Variants in KCNIP4 observed in about 807,000 individuals in gnomAD.
KCNIP4 encodes the protein Kv channel-interacting protein 4.
Under a neutral mutation model 34.0 loss-of-function variants are expected in KCNIP4, and 12 were observed. The ratio of observed to expected loss-of-function variants is 0.35; its 90% CI spans 0.23 to 0.57. The LOEUF (loss-of-function observed/expected upper bound fraction) is 0.57. Ranked by LOEUF, KCNIP4 falls within the 20% of genes least tolerant of loss-of-function variation. KCNIP4 has a pLI of 0.83. For synonymous variants in KCNIP4, 124 were observed against 102.2 expected (o/e 1.21, Z -1.29); for missense variants, 238 against 311.7 (o/e 0.76, Z 1.78).
At chr4:21,355,011 A>G (rs1026362513) in intron 1 of KCNIP4, among the ~76,000 whole-genome samples, 15 of 152,178 alleles carry the variant, frequency 9.9e-5, no homozygotes, top group African/African-American at 3.4e-4. Context: ...AAATCACTCA[A>G]CTACATGGAA....
intron 1 of KCNIP4, among the ~76,000 whole-genome samples, chr4:21,937,306 C>A (rs1445667596): frequency 6.6e-6 from 1 of 152,024 alleles, no homozygotes; most frequent in Non-Finnish European, 1.5e-5. Context: ...CACCGCAGCA[C>A]CACAAAGTAT....
At chr4:20,923,809 G>T (rs1270987927) in intron 1 of KCNIP4, among the ~76,000 whole-genome samples, 1 of 152,108 alleles carries the variant, frequency 6.6e-6, no homozygotes, top group Non-Finnish European at 1.5e-5. Flanking sequence ...GAAGAAAAGA[G>T]AATGGAAAGA....
intron 1 of KCNIP4, among the ~76,000 whole-genome samples, chr4:21,168,996 TA>T (rs771421553): frequency 3.6e-4 from 55 of 152,302 alleles, no homozygotes; most frequent in Non-Finnish European, 5.7e-4. Context: ...ATGAAACAGC[TA>T]AACTACTTCC....
intron 1 of KCNIP4, among the ~76,000 whole-genome samples, chr4:21,729,242 T>G (rs2109108071): frequency 6.6e-6 from 1 of 152,300 alleles, no homozygotes; most frequent in South Asian, 2.1e-4. Context: ...GCTTAGTCAC[T>G]TTCCACCAAC....
chr4:20,775,494 A>T (rs1187179939), intron 3 of KCNIP4, among the ~76,000 whole-genome samples: 2 of 149,838 alleles, frequency 1.3e-5, no homozygotes, highest in Non-Finnish European at 3.0e-5. Flanking sequence ...TGAGGCCAGG[A>T]GTCCAAGGCC....
intron 1 of KCNIP4, among the ~76,000 whole-genome samples, chr4:21,647,348 A>C (rs767120323): frequency 2.6e-5 from 4 of 152,132 alleles, no homozygotes; most frequent in African/African-American, 9.7e-5. Flanking sequence ...TGTCATAACA[A>C]TTTTAAACAT....
At position 20,988,841 on chromosome 4, in the gene KCNIP4, T is replaced by A. The variant is rs576969668; in HGVS notation, c.62-106132A>T. On this transcript the variant is annotated intron_variant, in intron 1 of 8. Transcript: ENST00000382152. ...TCTGCCTCAAGGCAGGGGATAGATG[T>A]ATGAATTTCTCTTTGTAAAGTATTC... Among the ~76,000 whole-genome samples, 3 of 152,354 alleles carry A rather than the reference T, an allele frequency of 2.0e-5. No individual in the cohort carries two copies. In the East Asian group the frequency reaches 5.8e-4, roughly 29 times the overall value.
At chr4:21,139,907 C>T (rs6448028) in intron 1 of KCNIP4, among the ~76,000 whole-genome samples, 3 of 151,860 alleles carry the variant, frequency 2.0e-5, no homozygotes, top group African/African-American at 4.8e-5. Flanking sequence ...CCCTCAGCCA[C>T]GTTTAATGAT....
chr4:21,626,006 G>T (rs1276385180), intron 1 of KCNIP4, among the ~76,000 whole-genome samples: 1 of 152,106 alleles, frequency 6.6e-6, no homozygotes, highest in Non-Finnish European at 1.5e-5. Flanking sequence ...CTTCCTAGTT[G>T]AATTTTAATT....
At chr4:21,191,383 A>T (rs1476986450) in intron 1 of KCNIP4, among the ~76,000 whole-genome samples, 1 of 152,212 alleles carries the variant, frequency 6.6e-6, no homozygotes, top group East Asian at 1.9e-4. Context: ...TTCATAAATG[A>T]TCAATTGCCT....
chr4:21,207,733 T>C (rs1756940483), intron 1 of KCNIP4, among the ~76,000 whole-genome samples: 3 of 152,182 alleles, frequency 2.0e-5, no homozygotes, highest in African/African-American at 7.2e-5. Flanking sequence ...AATGATTACA[T>C]GACAGGAAGT....
chr4:21,077,904 C>T (rs1019965948), intron 1 of KCNIP4, among the ~76,000 whole-genome samples: 1 of 151,924 alleles, frequency 6.6e-6, no homozygotes, highest in Non-Finnish European at 1.5e-5. Flanking sequence ...GTCATAGTAG[C>T]GTAAAAGAGG....
At chr4:21,832,467 G>GA (rs1239422102) in intron 1 of KCNIP4, among the ~76,000 whole-genome samples, 7 of 151,986 alleles carry the variant, frequency 4.6e-5, no homozygotes, top group South Asian at 2.1e-4. Flanking sequence ...CAATTAGAGG[G>GA]AAAAAATGGT....
At chr4:21,119,307 A>G (rs771486246) in intron 1 of KCNIP4, among the ~76,000 whole-genome samples, 2 of 151,926 alleles carry the variant, frequency 1.3e-5, no homozygotes, top group African/African-American at 4.8e-5. Flanking sequence ...AATTAAGCAC[A>G]TAAGTTTAAT....
At chr4:21,042,977 T>C (rs1742095710) in intron 1 of KCNIP4, among the ~76,000 whole-genome samples, 1 of 152,190 alleles carries the variant, frequency 6.6e-6, no homozygotes, top group African/African-American at 2.4e-5. Flanking sequence ...ATTTTAACCA[T>C]GAAGAATTTA....
chr4:21,153,059 T>A (rs1053197538), intron 1 of KCNIP4, among the ~76,000 whole-genome samples: 1 of 152,184 alleles, frequency 6.6e-6, no homozygotes, highest in South Asian at 2.1e-4. Flanking sequence ...TTGCTGGACA[T>A]TGGGTTGTTG....
chr4:21,766,746 T>G (rs896452980), intron 1 of KCNIP4, among the ~76,000 whole-genome samples: 4 of 152,108 alleles, frequency 2.6e-5, no homozygotes, highest in East Asian at 1.9e-4. Context: ...GTCTGGCATC[T>G]CTTAACAATA....
intron 1 of KCNIP4, among the ~76,000 whole-genome samples, chr4:21,790,786 G>T (rs1280371722): frequency 1.3e-5 from 2 of 151,830 alleles, no homozygotes; most frequent in East Asian, 1.9e-4. Flanking sequence ...TGACCGATTT[G>T]CACAATATTC....
At chr4:21,368,580 C>T (rs189298531) in intron 1 of KCNIP4, among the ~76,000 whole-genome samples, 3 of 147,192 alleles carry the variant, frequency 2.0e-5, no homozygotes, top group Non-Finnish European at 4.4e-5. Context: ...GGGTAATTTG[C>T]CCAAGGTTAC....
Sources: allele counts gnomAD v4.1 joint callset (sites outside exome capture counted in the v4.1 genomes callset), GRCh38; gene constraint gnomAD v4.1.1; transcripts MANE v1.5; gene names NCBI Gene and HGNC (gene_info 2026-07-23, HGNC 2026-07-21).